Variants in SIPA1L2 observed in about 807,000 individuals in gnomAD.
SIPA1L2 encodes signal-induced proliferation-associated 1-like protein 2.
A neutral mutation model predicts 163.9 loss-of-function variants in SIPA1L2; 56 were observed. That is an observed-to-expected ratio of 0.34 (90% confidence interval 0.28 to 0.43). The LOEUF is 0.43. Ranked by LOEUF, SIPA1L2 falls within the 20% of genes least tolerant of loss-of-function variation. The pLI, the probability that SIPA1L2 is intolerant of heterozygous loss-of-function variation, is 1.00. For synonymous variants in SIPA1L2, 877 were observed against 865.7 expected, an observed-to-expected ratio of 1.01 and a Z score of -0.23; for missense variants, 1,974 against 2,193.5, an observed-to-expected ratio of 0.90 and a Z score of 2.00.
At position 232,465,489 on chromosome 1, in the gene SIPA1L2, T is replaced by A; in HGVS notation, c.2244-73A>T. 1 of 1,118,624 alleles carries A rather than the reference T, an allele frequency of 8.9e-7. No homozygotes were observed. Among genetic ancestry groups the A allele is most frequent in the Non-Finnish European group, 1.3e-6 (1 of 775,158 alleles). 69.3% of individuals were successfully genotyped at this position (1,118,624 alleles called of 1,614,324 possible). On this transcript the variant is annotated intron_variant, in intron 8 of 22. Coordinates refer to ENST00000674635, the MANE Select transcript of SIPA1L2 (RefSeq NM_020808.5). The surrounding 1 kb of genome is among the most constrained non-coding windows in gnomAD (Gnocchi z 4.1). ...AATATGTATCTTTCCGAATTTGACATATATATACACACACACACACATATA... is the reference window on the plus strand; with the variant it reads ...AATATGTATCTTTCCGAATTTGACAAATATATACACACACACACACATATA...
intron 22 of SIPA1L2, among the ~76,000 whole-genome samples, chr1:232,400,104 GC>G (rs1295823909): frequency 6.6e-6 from 1 of 152,060 alleles, no homozygotes; most frequent in Non-Finnish European, 1.5e-5. Context: ...CTGGTCACTG[GC>G]CCAAAAGACA....
At chr1:232,457,344 T>G (rs1663978519) in intron 10 of SIPA1L2, among the ~76,000 whole-genome samples, 1 of 152,122 alleles carries the variant, frequency 6.6e-6, no homozygotes, top group South Asian at 2.1e-4. Flanking sequence ...ATGGCAAAAA[T>G]GAACTGAAGC....
chr1:232,620,496 A>G (rs1222990777), intron 1 of SIPA1L2, among the ~76,000 whole-genome samples: 1 of 152,218 alleles, frequency 6.6e-6, no homozygotes, highest in East Asian at 1.9e-4. Flanking sequence ...CATTCCATGC[A>G]CATATCCTGT....
intron 2 of SIPA1L2, among the ~76,000 whole-genome samples, chr1:232,521,041 C>G (rs1172510845): frequency 1.3e-5 from 2 of 151,940 alleles, no homozygotes; most frequent in African/African-American, 4.8e-5. Context: ...AATATTTTTG[C>G]CTGGTAAGTT....
At chr1:232,548,636 G>A (rs988788924) in intron 2 of SIPA1L2, among the ~76,000 whole-genome samples, 3 of 152,086 alleles carry the variant, frequency 2.0e-5, no homozygotes, top group African/African-American at 7.2e-5. Flanking sequence ...CCTACCTGAA[G>A]GCAGATAACA....
intron 1 of SIPA1L2, among the ~76,000 whole-genome samples, chr1:232,582,678 G>C (rs1180975609): frequency 2.0e-5 from 3 of 152,092 alleles, no homozygotes; most frequent in Non-Finnish European, 4.4e-5. Flanking sequence ...ACCCAGTAAT[G>C]GAATTGCTGG....
At position 232,465,042 on chromosome 1, in the gene SIPA1L2, A is replaced by T; in HGVS notation, c.2618T>A (p.Leu873His). The change falls in exon 9 of 23, where the codon CTT becomes CAT. Residue 873 changes from leucine (L) to histidine (H), a missense_variant. Coordinates refer to ENST00000674635, the MANE Select transcript of SIPA1L2 (RefSeq NM_020808.5). The surrounding 1 kb of genome is among the most constrained non-coding windows in gnomAD (Gnocchi z 4.1). ...DFGQSADIEC[L>H]LGISNEFIML... Reference sequence around the variant, plus strand: ...GATGAACTCATTGGAGATCCCGAGAAGACATTCAATGTCAGCAGACTGGCC... The same window carrying T: ...GATGAACTCATTGGAGATCCCGAGATGACATTCAATGTCAGCAGACTGGCC... 6.2e-7 allele frequency: 1 copy of T among 1,614,198 alleles called. No homozygotes were observed. Among genetic ancestry groups the T allele is most frequent in the Non-Finnish European group, 8.5e-7 (1 of 1,180,036 alleles).
chr1:232,445,896 C>T (rs1226859490), intron 10 of SIPA1L2, 110 bp from the exon 11 acceptor site: 8 of 1,246,436 alleles, frequency 6.4e-6, no homozygotes, highest in South Asian at 1.4e-5. Flanking sequence ...GTGCCTCTCC[C>T]GGCTCCAAGT....
chr1:232,429,074 G>A (rs1662074081), intron 16 of SIPA1L2, among the ~76,000 whole-genome samples: 3 of 152,292 alleles, frequency 2.0e-5, no homozygotes, highest in South Asian at 4.1e-4. Flanking sequence ...TCACAAAGCT[G>A]TTTGGATAAA....
chr1:232,465,543 C>CAT lies in SIPA1L2; in HGVS notation c.2244-128_2244-127insAT. The CAT allele has an allele frequency of 1.3e-6, 1 of 743,744 alleles. No homozygotes were observed. The highest frequency in any genetic ancestry group is 2.1e-6 in the Non-Finnish European group (1 of 467,752). The allele number at this position is 743,744 out of a possible 1,614,324, so 46.1% of individuals were successfully genotyped here. A position where few individuals can be genotyped will look rare whatever the true frequency, so the allele number is the denominator to read the frequency against. On this transcript the variant is annotated intron_variant, in intron 8 of 22. Coordinates refer to ENST00000674635, the MANE Select transcript of SIPA1L2 (RefSeq NM_020808.5). This position sits in a 1 kb window ranked among gnomAD's most constrained non-coding sequence, Gnocchi z 4.1. ...ACACACACACACACACATATACATA[C>CAT]ACACATACACACACACTTTCAACTT... is the stretch of plus-strand genomic sequence containing the variant.
intron 1 of SIPA1L2, among the ~76,000 whole-genome samples, chr1:232,576,999 T>C (rs929243752): frequency 2.0e-5 from 3 of 152,200 alleles, no homozygotes; most frequent in Admixed American, 2.0e-4. Context: ...ATGTTCTATG[T>C]AAATCAAACA....
intron 1 of SIPA1L2, among the ~76,000 whole-genome samples, chr1:232,584,445 G>C (rs761104537): frequency 1.3e-5 from 2 of 152,172 alleles, no homozygotes; most frequent in African/African-American, 4.8e-5. Context: ...GGATGGTCTC[G>C]ATAGAGACCG....
rs531043242 is a variant in SIPA1L2, at chr1:232,446,959, T to C, written c.3096-1173A>G. On this transcript the variant is annotated intron_variant, in intron 10 of 22. Transcript: ENST00000674635. The stretch of plus-strand genomic sequence containing the variant: ...TTGACTTTAAAAACTGATACTCTGA[T>C]TCATTTTTTAAGTGTTTAGAATAAC... Among the ~76,000 whole-genome samples the C allele has an allele frequency of 5.9e-5, 9 of 152,370 alleles. No homozygotes were observed. The East Asian group carries it at 1.7e-3, about 29-fold the overall frequency.
At chr1:232,594,654 GT>G (rs908541906) in intron 1 of SIPA1L2, among the ~76,000 whole-genome samples, 6 of 150,034 alleles carry the variant, frequency 4.0e-5, no homozygotes, top group East Asian at 1.9e-4. Context: ...TTCTTTTTAA[GT>G]TTTTTTTTTA....
chr1:232,629,339 A>G (rs1394880190), intron 1 of SIPA1L2, among the ~76,000 whole-genome samples: 3 of 152,228 alleles, frequency 2.0e-5, no homozygotes, highest in African/African-American at 7.2e-5. Context: ...GTGGGAAGAA[A>G]GGTCGCGGTG....
chr1:232,546,714 C>G (rs571700728), intron 2 of SIPA1L2, among the ~76,000 whole-genome samples: 1 of 152,312 alleles, frequency 6.6e-6, no homozygotes, highest in South Asian at 2.1e-4. Context: ...TGGAATACAA[C>G]AGCTCAGTTC....
At chr1:232,551,030 C>A (rs6694939) in intron 2 of SIPA1L2, among the ~76,000 whole-genome samples, 1 of 152,030 alleles carries the variant, frequency 6.6e-6, no homozygotes, top group African/African-American at 2.4e-5. Context: ...AAATCAAGCC[C>A]GAATGGGAAT....
At position 232,507,729 on chromosome 1, in the gene SIPA1L2, T is replaced by C. The variant is rs1215075812; in HGVS notation, c.1483+6128A>G. Among the ~76,000 whole-genome samples the C allele has an allele frequency of 3.9e-5, 6 of 152,178 alleles. No individual in the cohort carries two copies. The East Asian group carries it at 1.2e-3, about 29-fold the overall frequency. On this transcript the variant is annotated intron_variant, in intron 3 of 22. Coordinates refer to ENST00000674635, the MANE Select transcript of SIPA1L2 (RefSeq NM_020808.5). ...AAGTAAAGCAAACACAGTCATTAAC[T>C]TATCTGCCCAGATCATGGCTGGTAA...
chr1:232,443,576 A>G (rs766023210), intron 12 of SIPA1L2, 26 bp downstream of exon 12: 1 of 1,542,252 alleles, frequency 6.5e-7, no homozygotes, highest in South Asian at 1.2e-5. Context: ...CTCCCAGTGG[A>G]TAACTAAGAT....
Sources: gnomAD v4.1 joint callset for allele counts (sites outside exome capture counted in the v4.1 genomes callset) on GRCh38, gnomAD v4.1.1 for gene constraint, Gnocchi (gnomAD v3.1) non-coding constraint, MANE v1.5 for transcripts, NCBI Gene and HGNC (gene_info 2026-07-23, HGNC 2026-07-21) for gene names.